The following PHACTR2 variants were observed in gnomAD, a reference collection of about 807,000 sequenced individuals.
PHACTR2 encodes chromosome 6 open reading frame 56.
PHACTR2 carries 30 observed loss-of-function variants against 76.0 expected under a neutral mutation model. The ratio of observed to expected loss-of-function variants is 0.39; its 90% CI spans 0.30 to 0.54. PHACTR2 has a LOEUF of 0.54. Among genes scored for constraint, PHACTR2 ranks in the 20% least tolerant of loss-of-function variants. The probability of loss-of-function intolerance (pLI) is 0.61; values close to 1 mark genes in which losing one functional copy is unlikely to be tolerated. For missense variants in PHACTR2, 696 were observed against 781.1 expected (o/e 0.89, Z 1.30); for synonymous variants, 292 against 292.5 (o/e 1.00, Z 0.02).
In PHACTR2 at chr6:143,697,640, C is replaced by T. The variant is rs1324511502; in HGVS notation, c.47-14376C>T. ...GCTCTGATATTTTCCCAATTTCAAA[C>T]ATTAGTGTTTGTTATATTATCTTTC... On this transcript the variant is annotated intron_variant, in intron 1 of 12. Transcript: ENST00000440869. This position sits in a 1 kb window ranked among gnomAD's most constrained non-coding sequence, Gnocchi z 4.4. Among the ~76,000 whole-genome samples, 1 of 152,144 alleles carries T rather than the reference C, an allele frequency of 6.6e-6. No individual in the cohort carries two copies. The highest frequency in any genetic ancestry group is 1.5e-5 in the Non-Finnish European group (1 of 68,018).
In PHACTR2 at chr6:143,570,630, G is replaced by A. The variant is rs1204797818; in HGVS notation, c.217+33423G>A. Among the ~76,000 whole-genome samples the A allele has an allele frequency of 6.6e-6, 1 of 152,052 alleles. No homozygotes were observed. Among genetic ancestry groups the A allele is most frequent in the Non-Finnish European group, 1.5e-5 (1 of 67,986 alleles). On this transcript the variant is annotated intron_variant, in intron 1 of 11. Transcript: ENST00000367584. This position sits in a 1 kb window ranked among gnomAD's most constrained non-coding sequence, Gnocchi z 4.6. Reference sequence around the variant, plus strand: ...GTGGCAGGCCCCTCCCCACTCTCCTGGGGCTCTCCCTCTCCCCGCTTGCTC... The same window carrying A: ...GTGGCAGGCCCCTCCCCACTCTCCTAGGGCTCTCCCTCTCCCCGCTTGCTC...
In PHACTR2 at chr6:143,553,337, A is replaced by T. The variant is rs1157734423; in HGVS notation, c.217+16130A>T. ...TCAATTTGTACAGAAGTGACTGTGCATTTTAAAGAGAGAATGAAGGAGTAT... is the reference window on the plus strand; with the variant it reads ...TCAATTTGTACAGAAGTGACTGTGCTTTTTAAAGAGAGAATGAAGGAGTAT... On this transcript the variant is annotated intron_variant, in intron 1 of 11. Coordinates refer to the PHACTR2 transcript ENST00000367584. This position sits in a 1 kb window ranked among gnomAD's most constrained non-coding sequence, Gnocchi z 4.2. 2.0e-5 allele frequency among the ~76,000 whole-genome samples: 3 copies of T among 152,240 alleles called. No homozygotes were observed. The highest frequency in any genetic ancestry group is 4.4e-5 in the Non-Finnish European group (3 of 68,040).
intron 1 of PHACTR2, among the ~76,000 whole-genome samples, chr6:143,544,356 G>A (rs75002801): frequency 4.1e-3 from 623 of 151,792 alleles, no homozygotes; most frequent in Non-Finnish European, 6.6e-3. Context: ...CAGGAGTGTT[G>A]CCATGACCCT....
At position 143,807,299 on chromosome 6, in the gene PHACTR2, C is replaced by T. The variant is rs1014558263; in HGVS notation, c.1922+166C>T. Among the ~76,000 whole-genome samples, 1 of 152,170 alleles carries T rather than the reference C, an allele frequency of 6.6e-6. No individual in the cohort carries two copies. Among genetic ancestry groups the T allele is most frequent in the Non-Finnish European group, 1.5e-5 (1 of 68,038 alleles). On this transcript the variant is annotated intron_variant, in intron 12 of 12. Transcript: ENST00000440869. The surrounding 1 kb of genome is among the most constrained non-coding windows in gnomAD (Gnocchi z 5.5). Reference sequence around the variant, plus strand: ...GTTTAGCTTAAAACCATCTTATGAACATTTCCGCTTCTCTCACATTCATCC... The same window carrying T: ...GTTTAGCTTAAAACCATCTTATGAATATTTCCGCTTCTCTCACATTCATCC...
intron 9 of PHACTR2, among the ~76,000 whole-genome samples, chr6:143,778,263 C>G (rs893746433): frequency 2.6e-5 from 4 of 152,178 alleles, no homozygotes. Context: ...GTCAGCCAGG[C>G]TTTTCGAGTT....
chr6:143,624,110 GT>G lies in PHACTR2; in HGVS notation c.13+15791del, dbSNP rs1266761922. On this transcript the variant is annotated intron_variant, in intron 1 of 11. Transcript: ENST00000305766. The surrounding 1 kb of genome is among the most constrained non-coding windows in gnomAD (Gnocchi z 4.6). ...GTTAATTTTTTTTGTTGTTTTTTTT[GT>G]TTGTTTGTTTGTTTTTAGACAGTAT... 3.2e-5 allele frequency among the ~76,000 whole-genome samples: 4 copies of G among 125,014 alleles called. No individual in the cohort carries two copies. In the East Asian group the frequency reaches 1.0e-3, roughly 33 times the overall value. 82.0% of individuals were successfully genotyped at this position (125,014 alleles called of 152,430 possible).
rs916360867 is a variant in PHACTR2, at chr6:143,646,796, T to C, written c.13+38474T>C. On this transcript the variant is annotated intron_variant, in intron 1 of 11. Transcript: ENST00000305766. This position sits in a 1 kb window ranked among gnomAD's most constrained non-coding sequence, Gnocchi z 4.1. ...GAAAAAGTATGTAAGAAAAGCCTTG[T>C]TCTCTCTTGACATGAAGTTATGCTC... Among the ~76,000 whole-genome samples the C allele has an allele frequency of 2.0e-5, 3 of 152,212 alleles. No homozygotes were observed. Among genetic ancestry groups the C allele is most frequent in the African/African-American group, 7.2e-5 (3 of 41,458 alleles).
At chr6:143,538,410 T>TA (rs1420842400) in intron 1 of PHACTR2, among the ~76,000 whole-genome samples, 3 of 152,260 alleles carry the variant, frequency 2.0e-5, no homozygotes, top group African/African-American at 4.8e-5. Context: ...GACTGTTTTT[T>TA]AAAAGTCCAC....
chr6:143,741,341 A>G (rs564570307), intron 2 of PHACTR2, among the ~76,000 whole-genome samples: 6 of 152,070 alleles, frequency 3.9e-5, no homozygotes, highest in Admixed American at 3.3e-4. Context: ...AAAAATATAA[A>G]AATTAGCCAG....
Position 143,663,032 on chromosome 6 carries a change from G to A in PHACTR2, c.14-48984G>A, listed in dbSNP as rs1013671431. 2.0e-5 allele frequency among the ~76,000 whole-genome samples: 3 copies of A among 152,094 alleles called. No individual in the cohort carries two copies. The highest frequency in any genetic ancestry group is 7.2e-5 in the African/African-American group (3 of 41,414). ...CAGCTGCATCCATGTTGCTGCAAAGGACATTATTTCATTCTTTTTTTATGG... is the reference window on the plus strand; with the variant it reads ...CAGCTGCATCCATGTTGCTGCAAAGAACATTATTTCATTCTTTTTTTATGG... On this transcript the variant is annotated intron_variant, in intron 1 of 11. Transcript: ENST00000305766. The surrounding 1 kb of genome is among the most constrained non-coding windows in gnomAD (Gnocchi z 4.1).
intron 1 of PHACTR2, among the ~76,000 whole-genome samples, chr6:143,563,895 T>C (rs1775320616): frequency 6.6e-6 from 1 of 151,382 alleles, no homozygotes; most frequent in Admixed American, 6.6e-5. Context: ...TCCCAGCTAT[T>C]TGGGAGGTTG....
chr6:143,722,247 G>A lies in PHACTR2; in HGVS notation c.214+10064G>A, dbSNP rs1392409794. Among the ~76,000 whole-genome samples, 2 of 151,962 alleles carry A rather than the reference G, an allele frequency of 1.3e-5. No individual in the cohort carries two copies. The highest frequency in any genetic ancestry group is 2.9e-5 in the Non-Finnish European group (2 of 68,010). On this transcript the variant is annotated intron_variant, in intron 2 of 12. Transcript: ENST00000440869. The surrounding 1 kb of genome is among the most constrained non-coding windows in gnomAD (Gnocchi z 4.1). Reference sequence around the variant, plus strand: ...TTCTGTTCTTTCTCTGTACCCTCATGTGGATATATGTACATATCATATCCA... The same window carrying A: ...TTCTGTTCTTTCTCTGTACCCTCATATGGATATATGTACATATCATATCCA...
chr6:143,747,296 A>G (rs1399500949), intron 2 of PHACTR2, among the ~76,000 whole-genome samples: 1 of 152,208 alleles, frequency 6.6e-6, no homozygotes, highest in African/African-American at 2.4e-5. Context: ...AAAAAAATCC[A>G]GGTTCTTCAA....
rs1776392860 is a variant in PHACTR2, at chr6:143,820,429, TC to T, written c.1923-3242del. 6.6e-6 allele frequency among the ~76,000 whole-genome samples: 1 copy of T among 151,740 alleles called. No homozygotes were observed. Among genetic ancestry groups the T allele is most frequent in the Non-Finnish European group, 1.5e-5 (1 of 67,906 alleles). On this transcript the variant is annotated intron_variant, in intron 12 of 12. Coordinates refer to ENST00000440869, the MANE Select transcript of PHACTR2 (RefSeq NM_001100164.2). The surrounding 1 kb of genome is among the most constrained non-coding windows in gnomAD (Gnocchi z 4.2). Reference sequence around the variant, plus strand: ...GTGGAGATCTATACTGGGTAAACATTCCCGTTCCCAAAGGGAGAAATCAGAC... The same window carrying T: ...GTGGAGATCTATACTGGGTAAACATTCCGTTCCCAAAGGGAGAAATCAGAC...
rs776002233 is a variant in PHACTR2, at chr6:143,807,641, A to G, written c.1922+508A>G. 6.6e-6 allele frequency among the ~76,000 whole-genome samples: 1 copy of G among 152,212 alleles called. No individual in the cohort carries two copies. Among genetic ancestry groups the G allele is most frequent in the African/African-American group, 2.4e-5 (1 of 41,458 alleles). ...GGCGAGAGTCAGTGTGGGCACATAC[A>G]TAACACTTTGGTTTCACAATAGACA... On this transcript the variant is annotated intron_variant, in intron 12 of 12. Transcript: ENST00000440869. The surrounding 1 kb of genome is among the most constrained non-coding windows in gnomAD (Gnocchi z 5.5).
At position 143,541,647 on chromosome 6, in the gene PHACTR2, C is replaced by A. The variant is rs1781172043; in HGVS notation, c.217+4440C>A. 6.6e-6 allele frequency among the ~76,000 whole-genome samples: 1 copy of A among 152,178 alleles called. No individual in the cohort carries two copies. The highest frequency in any genetic ancestry group is 2.4e-5 in the African/African-American group (1 of 41,428). ...ATAGGGGTAACAGCAAATCCAGGATCTTTTTCTCAAATCTTTAATTCCTGG... is the reference window on the plus strand; with the variant it reads ...ATAGGGGTAACAGCAAATCCAGGATATTTTTCTCAAATCTTTAATTCCTGG... On this transcript the variant is annotated intron_variant, in intron 1 of 11. Coordinates refer to the PHACTR2 transcript ENST00000367584. The surrounding 1 kb of genome is among the most constrained non-coding windows in gnomAD (Gnocchi z 5.3).
chr6:143,804,299 G>T (rs1776020707), intron 11 of PHACTR2, among the ~76,000 whole-genome samples: 1 of 152,090 alleles, frequency 6.6e-6, no homozygotes, highest in African/African-American at 2.4e-5. Context: ...CCTGTATCTT[G>T]GGTTTCTCAC....
Position 143,709,574 on chromosome 6 carries a change from A to G in PHACTR2, c.47-2442A>G, listed in dbSNP as rs1459884752. Among the ~76,000 whole-genome samples, 1 of 152,182 alleles carries G rather than the reference A, an allele frequency of 6.6e-6. No homozygotes were observed. Among genetic ancestry groups the G allele is most frequent in the Non-Finnish European group, 1.5e-5 (1 of 68,026 alleles). ...TTAACTGGCTTTGTCTGACACCTCT[A>G]TAGCAGGGGAAGCAGTGGGTGCCGC... On this transcript the variant is annotated intron_variant, in intron 1 of 12. Coordinates refer to ENST00000440869, the MANE Select transcript of PHACTR2 (RefSeq NM_001100164.2). The surrounding 1 kb of genome is among the most constrained non-coding windows in gnomAD (Gnocchi z 4.4).
chr6:143,635,646 T>A (rs1180495665), intron 1 of PHACTR2, among the ~76,000 whole-genome samples: 1 of 152,198 alleles, frequency 6.6e-6, no homozygotes, highest in African/African-American at 2.4e-5. Flanking sequence ...ATTGTTTTAA[T>A]TTGTTTTGTC....
Sources: allele counts gnomAD v4.1 joint callset (sites outside exome capture counted in the v4.1 genomes callset), GRCh38; gene constraint gnomAD v4.1.1; non-coding constraint Gnocchi (gnomAD v3.1); transcripts MANE v1.5; gene names NCBI Gene and HGNC (gene_info 2026-07-23, HGNC 2026-07-21).